The following NCAM1 variants were observed in gnomAD, a reference collection of about 807,000 sequenced individuals.
The protein encoded by NCAM1 is neural cell adhesion molecule 1.
Under a neutral mutation model 109.8 loss-of-function variants are expected in NCAM1, and 14 were observed. The ratio of observed to expected loss-of-function variants is 0.13; its 90% CI spans 0.08 to 0.20. The LOEUF is 0.20. NCAM1 is among the 10% of genes least tolerant of loss of function. NCAM1 has a pLI of 1.00. For missense variants in NCAM1, 774 were observed against 1,109.9 expected (o/e 0.70, Z 4.30); for synonymous variants, 418 against 442.9 (o/e 0.94, Z 0.70).
chr11:113,042,796 T>C (rs182661022), intron 1 of NCAM1, among the ~76,000 whole-genome samples: 246 of 152,244 alleles, frequency 1.6e-3, no homozygotes, highest in Non-Finnish European at 3.0e-3. Context: ...CTTTGCAGGG[T>C]CACTGCCAGA....
intron 1 of NCAM1, among the ~76,000 whole-genome samples, chr11:113,189,609 C>T (rs1943615188): frequency 6.6e-6 from 1 of 152,082 alleles, no homozygotes; most frequent in Non-Finnish European, 1.5e-5. Flanking sequence ...CTTGGGACTC[C>T]ATTCTGATTT....
intron 1 of NCAM1, among the ~76,000 whole-genome samples, chr11:112,969,910 A>G (rs1331111794): frequency 3.3e-5 from 5 of 152,186 alleles, no homozygotes; most frequent in Non-Finnish European, 7.3e-5. Context: ...GCCCGAATGA[A>G]GCAGGCAGGT....
chr11:113,047,354 A>T (rs1027395001), intron 1 of NCAM1, among the ~76,000 whole-genome samples: 3 of 152,368 alleles, frequency 2.0e-5, no homozygotes, highest in East Asian at 3.9e-4. Context: ...AAAATATTTT[A>T]AAAATAACTT....
At chr11:113,084,525 G>C (rs1555087892) in intron 1 of NCAM1, among the ~76,000 whole-genome samples, 1 of 152,138 alleles carries the variant, frequency 6.6e-6, no homozygotes, top group Admixed American at 6.6e-5. Context: ...GTCATAGTTT[G>C]ATTGGCAGTG....
intron 1 of NCAM1, among the ~76,000 whole-genome samples, chr11:113,132,214 G>C (rs1161709227): frequency 1.3e-5 from 2 of 152,130 alleles, no homozygotes; most frequent in Admixed American, 6.5e-5. Context: ...CAGCTGAGTT[G>C]TTAGCATATT....
intron 4 of NCAM1, 55 bp from the exon 5 acceptor site, chr11:113,205,988 C>T: frequency 1.2e-6 from 2 of 1,603,910 alleles, no homozygotes; most frequent in Non-Finnish European, 1.7e-6. Flanking sequence ...CAGCCACCTG[C>T]CTGCAGATGC....
Position 113,204,516 on chromosome 11 carries a change from C to T in NCAM1, c.346+12C>T, listed in dbSNP as rs782669402. On this transcript the variant is annotated intron_variant, in intron 3 of 19. Coordinates refer to ENST00000316851, the MANE Select transcript of NCAM1 (RefSeq NM_181351.5). ...CGTGAAGATCTTTCGTAAGAGCCTC[C>T]TTCTTCTTCTGCATTCTCTGGCCTC... 2 of 1,612,262 alleles carry T rather than the reference C, an allele frequency of 1.2e-6. No homozygotes were observed. Among genetic ancestry groups the T allele is most frequent in the Admixed American group, 1.7e-5 (1 of 59,996 alleles).
chr11:113,206,434 G>T (rs1211579151), intron 5 of NCAM1, among the ~76,000 whole-genome samples: 2 of 150,678 alleles, frequency 1.3e-5, no homozygotes, highest in African/African-American at 4.9e-5. Context: ...CCGTTCTGCA[G>T]CACTAAAAAC....
intron 15 of NCAM1, among the ~76,000 whole-genome samples, chr11:113,250,268 G>A (rs1369752826): frequency 2.6e-5 from 4 of 152,302 alleles, no homozygotes; most frequent in East Asian, 1.9e-4. Context: ...CAAAAGAGGC[G>A]CCAGGGAGAG....
chr11:113,005,789 T>C lies in NCAM1; in HGVS notation c.52+44125T>C, dbSNP rs17114664. Among the ~76,000 whole-genome samples, 275 of 152,354 alleles carry C rather than the reference T, an allele frequency of 1.8e-3. 5 individuals carry two copies. The highest frequency in any genetic ancestry group is 0.015 in the Admixed American group (225 of 15,310). ...TTTTGAGACTTTTAAGTGTATTTAC[T>C]CTGCATTTTGAAAATAGAAGTTAAG... On this transcript the variant is annotated intron_variant, in intron 1 of 19. Transcript: ENST00000316851.
chr11:112,980,412 G>GA (rs1191604533), intron 1 of NCAM1, among the ~76,000 whole-genome samples: 1 of 151,538 alleles, frequency 6.6e-6, no homozygotes, highest in African/African-American at 2.4e-5. Context: ...TCAAAAAATG[G>GA]AAAAAACCTA....
At position 113,021,932 on chromosome 11, in the gene NCAM1, C is replaced by T. The variant is rs373390177; in HGVS notation, c.52+60268C>T. On this transcript the variant is annotated intron_variant, in intron 1 of 19. Transcript: ENST00000316851. ...TTGTTTCTGTGCAATAGGGAGAAGA[C>T]GGGAAGCTTGGTAATGTTTTGAGCA... is the stretch of plus-strand genomic sequence containing the variant. Among the ~76,000 whole-genome samples the T allele has an allele frequency of 9.9e-5, 15 of 152,116 alleles. No individual in the cohort carries two copies. In the South Asian group the frequency reaches 1.7e-3, roughly 17 times the overall value.
intron 1 of NCAM1, among the ~76,000 whole-genome samples, chr11:112,970,103 A>G (rs1950837624): frequency 6.6e-6 from 1 of 152,204 alleles, no homozygotes; most frequent in Admixed American, 6.5e-5. Context: ...ATTGAAGAGC[A>G]GTTAAAGGCT....
chr11:113,171,633 C>CAATAAATA (rs58639337), intron 1 of NCAM1, among the ~76,000 whole-genome samples: 2,599 of 149,570 alleles, frequency 0.017, 27 homozygotes, highest in Middle Eastern at 0.058. Context: ...GACTTTGTCT[C>CAATAAATA]AATAAATAAA....
intron 8 of NCAM1, among the ~76,000 whole-genome samples, chr11:113,216,719 A>G (rs1449812632): frequency 6.6e-6 from 1 of 152,208 alleles, no homozygotes; most frequent in African/African-American, 2.4e-5. Context: ...AGTCCTCCAA[A>G]TCAGCTGGTG....
intron 1 of NCAM1, among the ~76,000 whole-genome samples, chr11:113,185,025 G>GTA (rs1943456695): frequency 6.8e-6 from 1 of 147,442 alleles, no homozygotes; most frequent in Non-Finnish European, 1.5e-5. Flanking sequence ...AAGTGTGTGT[G>GTA]TATATATACA....
At chr11:113,250,289 C>T (rs904406704) in intron 15 of NCAM1, among the ~76,000 whole-genome samples, 7 of 152,170 alleles carry the variant, frequency 4.6e-5, no homozygotes, top group African/African-American at 1.7e-4. Context: ...ACATGAGGAT[C>T]CAAGAATGTA....
At chr11:113,014,186 C>T (rs1284238315) in intron 1 of NCAM1, among the ~76,000 whole-genome samples, 9 of 152,064 alleles carry the variant, frequency 5.9e-5, no homozygotes, top group Non-Finnish European at 1.2e-4. Flanking sequence ...GCTGAGAATA[C>T]TTTTAGAATA....
chr11:113,250,594 C>G (rs1355984885), intron 15 of NCAM1, among the ~76,000 whole-genome samples: 1 of 151,978 alleles, frequency 6.6e-6, no homozygotes, highest in Non-Finnish European at 1.5e-5. Context: ...AAGAAATAAT[C>G]AACCAAAGGA....
Sources: allele counts gnomAD v4.1 joint callset (sites outside exome capture counted in the v4.1 genomes callset), GRCh38; gene constraint gnomAD v4.1.1; transcripts MANE v1.5; gene names NCBI Gene and HGNC (gene_info 2026-07-23, HGNC 2026-07-21).